The following TAF1 variants were observed in gnomAD, a reference collection of about 807,000 sequenced individuals.
The protein encoded by TAF1 is transcription initiation factor TFIID subunit 1.
TAF1 carries 2 observed loss-of-function variants against 138.5 expected under a neutral mutation model. The observed-to-expected ratio is 0.01, with a 90% CI of 0.01 to 0.05. The LOEUF (loss-of-function observed/expected upper bound fraction) is 0.05, where lower values mean the gene tolerates loss of function less well. Among genes scored for constraint, TAF1 ranks in the 10% least tolerant of loss-of-function variants. The pLI is 1.00. For synonymous variants in TAF1, 437 were observed against 503.2 expected (o/e 0.87, Z 1.76); for missense variants, 709 against 1,478.0 (o/e 0.48, Z 8.53).
At chrX:71,528,389 A>G (rs996821311) in intron 13 of TAF1, 1 of 257,110 alleles carries the variant, frequency 3.9e-6, no homozygotes, top group Non-Finnish European at 7.3e-6. Context: ...AATTCAAATG[A>G]CAGTGGGTAC....
intron 13 of TAF1, among the ~76,000 whole-genome samples, chrX:71,503,279 T>A (rs867747707): frequency 0.019 from 1,617 of 85,618 alleles, 36 homozygotes; most frequent in African/African-American, 0.061. Context: ...AAAAAAAAAA[T>A]ATATATATAT....
intron 36 of TAF1, among the ~76,000 whole-genome samples, chrX:71,459,974 C>T (rs1391335142): frequency 2.7e-5 from 3 of 112,307 alleles, no homozygotes; most frequent in Non-Finnish European, 5.6e-5. Flanking sequence ...CACAGTGGCT[C>T]ATGCCTGTAA....
chrX:71,392,461 GA>G (rs1352715412), intron 18 of TAF1, 107 bp from the exon 19 acceptor site: 3 of 988,843 alleles, frequency 3.0e-6, no homozygotes, highest in Admixed American at 4.6e-5. Flanking sequence ...TTAAAAATTA[GA>G]AAAAAAGAAC....
At chrX:71,417,268 G>C (rs999595532) in intron 28 of TAF1, among the ~76,000 whole-genome samples, 1 of 110,466 alleles carries the variant, frequency 9.1e-6, no homozygotes, top group Non-Finnish European at 1.9e-5. Flanking sequence ...GCCACCTCGG[G>C]ACTCTGCAGA....
At chrX:71,387,933 CA>C (rs370531040) in intron 15 of TAF1, among the ~76,000 whole-genome samples, 2,041 of 85,142 alleles carry the variant, frequency 0.024, 50 homozygotes, top group African/African-American at 0.075. Flanking sequence ...AACTCAGTCT[CA>C]AAAAAAAAAA....
intron 32 of TAF1, chrX:71,441,669 A>G: frequency 3.3e-6 from 1 of 302,289 alleles, no homozygotes; most frequent in South Asian, 3.0e-5. Flanking sequence ...TCTCCTATCT[A>G]GCTATAATTT....
At chrX:71,470,379 C>T (rs2038860453), downstream of TAF1, among the ~76,000 whole-genome samples, 1 of 110,034 alleles carries the variant, frequency 9.1e-6, no homozygotes. Flanking sequence ...TCTTTTACCA[C>T]AATATTTTCT....
intron 28 of TAF1, among the ~76,000 whole-genome samples, chrX:71,409,334 C>T (rs2035648514): frequency 9.1e-6 from 1 of 110,368 alleles, no homozygotes; most frequent in African/African-American, 3.3e-5. Flanking sequence ...TGCCATGTTG[C>T]CCAGGCTGGT....
At chrX:71,460,555 A>G (rs976718206) in intron 36 of TAF1, 71 bp from the exon 37 acceptor site, 7 of 1,143,254 alleles carry the variant, frequency 6.1e-6, no homozygotes, top group Non-Finnish European at 8.2e-6. Flanking sequence ...GTTTGGGAAG[A>G]TCAAGCCAAA....
chrX:71,496,465 C>T (rs2039396614), intron 13 of TAF1, among the ~76,000 whole-genome samples: 1 of 111,595 alleles, frequency 9.0e-6, no homozygotes, highest in East Asian at 2.8e-4. Context: ...TTTTTCTTTA[C>T]TACTTCTCTC....
At position 71,508,084 on chromosome X, in the gene TAF1, CTCTATATA is replaced by C. The variant is rs1285348675; in HGVS notation, c.1367-20456_1367-20449del. ...ATGAATATTCTCTCTCTCTCTCTCT[CTCTATATA>C]TATATATATATATATATATATGAAT... is the stretch of plus-strand genomic sequence containing the variant. On this transcript the variant is annotated intron_variant and NMD_transcript_variant, in intron 13 of 14. Transcript: ENST00000373775. 2.8e-3 allele frequency among the ~76,000 whole-genome samples: 263 copies of C among 94,766 alleles called. 7 individuals carry two copies. The East Asian group carries it at 0.029, about 11-fold the overall frequency. The allele number at this position is 94,766 out of a possible 115,157, so 82.3% of individuals were successfully genotyped here.
chrX:71,401,463 G>C (rs2035173324), intron 24 of TAF1, 65 bp from the exon 25 acceptor site: 1 of 1,165,926 alleles, frequency 8.6e-7, no homozygotes, highest in African/African-American at 1.8e-5. Context: ...TTTCTTACCT[G>C]CTTATCTCTG....
At chrX:71,508,086 C>CTCTCTCTCTCTATATATATATATATA (rs4040068) in intron 13 of TAF1, among the ~76,000 whole-genome samples, 10 of 92,177 alleles carry the variant, frequency 1.1e-4, no homozygotes, top group African/African-American at 3.9e-4. Flanking sequence ...CTCTCTCTCT[C>CTCTCTCTCTCTATATATATATATATA]TATATATATA....
intron 4 of TAF1, among the ~76,000 whole-genome samples, chrX:71,375,737 A>C (rs1249361964): frequency 1.8e-5 from 2 of 112,074 alleles, no homozygotes; most frequent in Admixed American, 9.5e-5. Flanking sequence ...GGTTCAAGTG[A>C]TTCTCATGCC....
At chrX:71,509,996 A>AATG (rs1298087157) in intron 13 of TAF1, among the ~76,000 whole-genome samples, 9 of 109,366 alleles carry the variant, frequency 8.2e-5, no homozygotes, top group South Asian at 8.1e-4. Flanking sequence ...TAATAATAAT[A>AATG]ATGATAATTT....
chrX:71,391,606 T>C (rs1041022390), intron 18 of TAF1, among the ~76,000 whole-genome samples: 3 of 109,773 alleles, frequency 2.7e-5, no homozygotes, highest in Non-Finnish European at 5.7e-5. Context: ...AGAATGGCCA[T>C]TTTCTTGCTA....
At chrX:71,417,705 A>G (rs893448195) in intron 28 of TAF1, among the ~76,000 whole-genome samples, 6 of 111,283 alleles carry the variant, frequency 5.4e-5, no homozygotes, top group African/African-American at 2.0e-4. Context: ...CTTATAGCAT[A>G]CTGTGTTGTG....
At chrX:71,513,289 T>A (rs770518239) in intron 13 of TAF1, among the ~76,000 whole-genome samples, 119 of 111,730 alleles carry the variant, frequency 1.1e-3, no homozygotes, top group South Asian at 3.4e-3. Context: ...TGGAAAAAGA[T>A]GGCATTTGGG....
chrX:71,393,039 A>G (rs771091010), intron 20 of TAF1, 45 bp downstream of exon 20: 5 of 1,196,527 alleles, frequency 4.2e-6, no homozygotes, highest in Admixed American at 2.3e-5. Flanking sequence ...GGGGCTTTGT[A>G]TAGAGTTGGA....
Sources: allele counts gnomAD v4.1 joint callset (sites outside exome capture counted in the v4.1 genomes callset), GRCh38; gene constraint gnomAD v4.1.1; transcripts MANE v1.5; gene names NCBI Gene and HGNC (gene_info 2026-07-23, HGNC 2026-07-21).